The following CEMIP variants were observed in gnomAD, a reference collection of about 807,000 sequenced individuals.
CEMIP encodes the protein cell migration inducing hyaluronidase 1.
In CEMIP, 105 loss-of-function variants were observed where a neutral mutation model predicts 156.9. The observed-to-expected ratio is 0.67, with a 90% CI of 0.57 to 0.79. CEMIP has a LOEUF of 0.79. CEMIP is among the 30% of genes least tolerant of loss of function. The probability of loss-of-function intolerance (pLI) is 0.00; values close to 1 mark genes in which losing one functional copy is unlikely to be tolerated. For synonymous variants in CEMIP, 676 were observed against 668.4 expected (o/e 1.01, Z -0.17); for missense variants, 1,457 against 1,769.4 (o/e 0.82, Z 3.17).
intron 1 of CEMIP, among the ~76,000 whole-genome samples, chr15:80,815,038 C>G (rs972473878): frequency 1.2e-4 from 19 of 152,228 alleles, no homozygotes; most frequent in Admixed American, 6.5e-4. Flanking sequence ...TTTTCCTGAT[C>G]CCTGAGAGGG....
At chr15:80,860,608 A>G (rs1005354484) in intron 1 of CEMIP, among the ~76,000 whole-genome samples, 7 of 152,178 alleles carry the variant, frequency 4.6e-5, no homozygotes, top group African/African-American at 9.7e-5. Flanking sequence ...CTACCAGGCA[A>G]TCAATGCAGC....
In CEMIP at chr15:80,950,764, T is replaced by C. The variant is rs1419523875; in HGVS notation, c.*1840T>C. 1 of 152,742 alleles carries C rather than the reference T, an allele frequency of 6.5e-6. No individual in the cohort carries two copies. Among genetic ancestry groups the C allele is most frequent in the Non-Finnish European group, 1.5e-5 (1 of 68,130 alleles). 9.5% of individuals were successfully genotyped at this position (152,742 alleles called of 1,614,324 possible). A position where few individuals can be genotyped will look rare whatever the true frequency, so the allele number is the denominator to read the frequency against. ...CCTTATAGAGAGCCCAAAGAGCTCC[T>C]GTAAGAGGGAGAACTCTATCTGTGG... On this transcript the variant is annotated 3_prime_UTR_variant, in exon 30 of 30. Transcript: ENST00000394685.
chr15:80,806,839 A>G (rs1360916646), intron 1 of CEMIP, among the ~76,000 whole-genome samples: 1 of 152,210 alleles, frequency 6.6e-6, no homozygotes, highest in Non-Finnish European at 1.5e-5. Context: ...AAATCCTAAG[A>G]CGGATAAAAA....
intron 1 of CEMIP, among the ~76,000 whole-genome samples, chr15:80,801,093 T>C (rs1166364063): frequency 1.3e-5 from 2 of 152,246 alleles, no homozygotes; most frequent in Non-Finnish European, 2.9e-5. Flanking sequence ...CAAACTACCA[T>C]TCATTCTTCC....
At chr15:80,880,265 A>G (rs1048346575) in intron 5 of CEMIP, among the ~76,000 whole-genome samples, 2 of 152,250 alleles carry the variant, frequency 1.3e-5, no homozygotes, top group African/African-American at 4.8e-5. Flanking sequence ...GCACAAGGAT[A>G]TGCAGCGCAT....
chr15:80,835,339 G>A (rs907632638), intron 1 of CEMIP, among the ~76,000 whole-genome samples: 1 of 152,230 alleles, frequency 6.6e-6, no homozygotes, highest in Non-Finnish European at 1.5e-5. Context: ...CCATCGCTGA[G>A]TTCCAAAGTA....
At chr15:80,811,287 G>C (rs1896666494) in intron 1 of CEMIP, among the ~76,000 whole-genome samples, 1 of 152,176 alleles carries the variant, frequency 6.6e-6, no homozygotes, top group African/African-American at 2.4e-5. Context: ...ATGAAATCCT[G>C]CAAGTTTTTA....
At chr15:80,860,354 A>G (rs541266244) in intron 1 of CEMIP, among the ~76,000 whole-genome samples, 1 of 152,298 alleles carries the variant, frequency 6.6e-6, no homozygotes, top group South Asian at 2.1e-4. Context: ...CTTGGACCCT[A>G]TCACATTACC....
chr15:80,782,107 C>T (rs1209039072), intron 1 of CEMIP, among the ~76,000 whole-genome samples: 3 of 152,200 alleles, frequency 2.0e-5, no homozygotes, highest in African/African-American at 7.2e-5. Context: ...ACCTACACTA[C>T]TTGGAGGAAA....
At chr15:80,931,422 C>T (rs1266858156) in intron 21 of CEMIP, among the ~76,000 whole-genome samples, 1 of 152,188 alleles carries the variant, frequency 6.6e-6, no homozygotes, top group Non-Finnish European at 1.5e-5. Context: ...ACTAACAGCT[C>T]TATCTTCCCA....
At chr15:80,911,562 A>G (rs538595268) in intron 14 of CEMIP, among the ~76,000 whole-genome samples, 2 of 151,554 alleles carry the variant, frequency 1.3e-5, no homozygotes, top group Non-Finnish European at 2.9e-5. Context: ...CACACCCTGG[A>G]GTGTGGTTGT....
intron 14 of CEMIP, among the ~76,000 whole-genome samples, chr15:80,913,531 T>TGGGAGAGCTGGGAGAGGCTGGAGAG (rs1274258127): frequency 3.1e-4 from 47 of 151,984 alleles, no homozygotes; most frequent in Middle Eastern, 3.4e-3. Context: ...CTTGGGGGAC[T>TGGGAGAGCTGGGAGAGGCTGGAGAG]GATGGAAATT....
chr15:80,884,163 T>C lies in CEMIP; in HGVS notation c.618-12T>C. Reference sequence around the variant, plus strand: ...CAAGACTATTCAGATCTCTTCTCTCTGCCCTTTTTAGGTTTGACACCTATA... The same window carrying C: ...CAAGACTATTCAGATCTCTTCTCTCCGCCCTTTTTAGGTTTGACACCTATA... On this transcript the variant is annotated splice_polypyrimidine_tract_variant and intron_variant, in intron 6 of 29. Transcript: ENST00000394685. 1 of 1,614,004 alleles carries C rather than the reference T, an allele frequency of 6.2e-7. No individual in the cohort carries two copies. The highest frequency in any genetic ancestry group is 1.1e-5 in the South Asian group (1 of 91,078).
intron 1 of CEMIP, among the ~76,000 whole-genome samples, chr15:80,849,364 C>T (rs1025857310): frequency 4.6e-5 from 7 of 152,176 alleles, no homozygotes; most frequent in East Asian, 1.9e-4. Context: ...AGCCTCTACA[C>T]GGGCCACCTG....
intron 10 of CEMIP, among the ~76,000 whole-genome samples, chr15:80,893,834 CT>C (rs1210932013): frequency 3.4e-3 from 481 of 142,660 alleles, no homozygotes; most frequent in Non-Finnish European, 3.2e-3. Flanking sequence ...AAAGTCTCCT[CT>C]TTTTTTTTTT....
chr15:80,787,183 T>C (rs919244907), intron 1 of CEMIP, among the ~76,000 whole-genome samples: 5 of 152,212 alleles, frequency 3.3e-5, no homozygotes, highest in Non-Finnish European at 5.9e-5. Flanking sequence ...TGATGAGTGG[T>C]CCCAGTCCTT....
Position 80,936,762 on chromosome 15 carries a change from C to T in CEMIP, c.3098C>T (p.Ala1033Val). The change falls in exon 24 of 30, where the codon GCG becomes GTG. Residue 1033 changes from alanine to valine, a missense_variant. Coordinates refer to ENST00000394685, the MANE Select transcript of CEMIP (RefSeq NM_001293298.2). The stretch of plus-strand genomic sequence containing the variant: ...AGCCACCCTCTTTACCTGGAGGGGG[C>T]GCTCACCAGGAGCACCCATTACCAG... ...FPSHPLYLEG[A>V]LTRSTHYQQY... 17 of 1,613,334 alleles carry T rather than the reference C, an allele frequency of 1.1e-5. No individual in the cohort carries two copies. The highest frequency in any genetic ancestry group is 1.4e-5 in the Non-Finnish European group (17 of 1,179,278).
intron 1 of CEMIP, among the ~76,000 whole-genome samples, chr15:80,848,252 G>A (rs548182155): frequency 5.9e-5 from 9 of 152,238 alleles, no homozygotes; most frequent in East Asian, 1.9e-4. Flanking sequence ...ATCTGGCCTC[G>A]TCACCTGGCC....
intron 10 of CEMIP, among the ~76,000 whole-genome samples, chr15:80,890,072 C>G (rs1399731361): frequency 6.6e-6 from 1 of 152,162 alleles, no homozygotes; most frequent in East Asian, 1.9e-4. Flanking sequence ...AGAGTTAATT[C>G]CATCTGAAGG....
Sources: gnomAD v4.1 joint callset for allele counts (sites outside exome capture counted in the v4.1 genomes callset) on GRCh38, gnomAD v4.1.1 for gene constraint, MANE v1.5 for transcripts, NCBI Gene and HGNC (gene_info 2026-07-23, HGNC 2026-07-21) for gene names.